LPAR3: variants seen among roughly 807,000 people sequenced by gnomAD.
The protein encoded by LPAR3 is lysophosphatidic acid receptor 3, also known as LPA receptor 3.
In LPAR3, 7 loss-of-function variants were observed where a neutral mutation model predicts 17.8. The observed-to-expected ratio is 0.39, with a 90% CI of 0.22 to 0.74. The LOEUF is 0.74. Ranked by LOEUF, LPAR3 falls within the 30% of genes least tolerant of loss-of-function variation. The pLI, the probability that LPAR3 is intolerant of heterozygous loss-of-function variation, is 0.40. For synonymous variants in LPAR3, 179 were observed against 179.9 expected, an observed-to-expected ratio of 0.99 and a Z score of 0.04; for missense variants, 391 against 453.4, an observed-to-expected ratio of 0.86 and a Z score of 1.25.
chr1:84,884,773 C>T (rs1660427902), intron 1 of LPAR3, among the ~76,000 whole-genome samples: 1 of 152,194 alleles, frequency 6.6e-6, no homozygotes, highest in South Asian at 2.1e-4. Flanking sequence ...AAGTAATAAC[C>T]TGGTAGCAAT....
At chr1:84,855,393 C>T (rs1659797544) in intron 2 of LPAR3, among the ~76,000 whole-genome samples, 1 of 152,150 alleles carries the variant, frequency 6.6e-6, no homozygotes, top group African/African-American at 2.4e-5. Context: ...GAGGGTGTTC[C>T]TGAGTTCTGG....
At chr1:84,852,636 G>A (rs560640462) in intron 2 of LPAR3, among the ~76,000 whole-genome samples, 17 of 152,252 alleles carry the variant, frequency 1.1e-4, no homozygotes, top group African/African-American at 3.6e-4. Flanking sequence ...TTTGAGAGAC[G>A]TTCACATGGA....
chr1:84,822,688 G>A (rs1004068691), intron 2 of LPAR3, among the ~76,000 whole-genome samples: 2 of 152,182 alleles, frequency 1.3e-5, no homozygotes, highest in East Asian at 1.9e-4. Flanking sequence ...TCACTGGAAC[G>A]TATTTAAGAT....
chr1:84,867,981 G>A (rs995812403), intron 1 of LPAR3, among the ~76,000 whole-genome samples: 1 of 152,092 alleles, frequency 6.6e-6, no homozygotes, highest in African/African-American at 2.4e-5. Context: ...CTGCATTCTT[G>A]TTCATTAATC....
Position 84,815,882 on chromosome 1 carries a change from C to A in LPAR3, c.737-1711G>T, listed in dbSNP as rs370576067. On this transcript the variant is annotated intron_variant, in intron 2 of 2. Transcript: ENST00000370611. ...TCCTTATTTCATAATTACGGTTCAG[C>A]AGTGGTTCCCTTTTTTCTCCACCTT... Among the ~76,000 whole-genome samples the A allele has an allele frequency of 2.4e-4, 37 of 152,266 alleles. 1 individual carries two copies. Among genetic ancestry groups the A allele is most frequent in the African/African-American group, 8.7e-4 (36 of 41,546 alleles).
At chr1:84,882,820 T>TA (rs960384611) in intron 1 of LPAR3, among the ~76,000 whole-genome samples, 60 of 151,136 alleles carry the variant, frequency 4.0e-4, no homozygotes, top group African/African-American at 1.3e-3. Context: ...AGTATAATAA[T>TA]AAAAAAAAAT....
chr1:84,863,748 C>T (rs1449419941), intron 2 of LPAR3, among the ~76,000 whole-genome samples: 1 of 152,202 alleles, frequency 6.6e-6, no homozygotes, highest in African/African-American at 2.4e-5. Context: ...AAAATTGCCA[C>T]ACCCCTTGGA....
intron 2 of LPAR3, among the ~76,000 whole-genome samples, chr1:84,821,881 G>C (rs919638835): frequency 6.6e-6 from 1 of 152,158 alleles, no homozygotes; most frequent in African/African-American, 2.4e-5. Context: ...CAGGGAGACA[G>C]GAGGGACAGG....
Position 84,811,884 on chromosome 1 carries a change from C to G in LPAR3, c.*1962G>C, listed in dbSNP as rs534685869. 6.6e-6 allele frequency: 1 copy of G among 152,194 alleles called. No individual in the cohort carries two copies. Among genetic ancestry groups the G allele is most frequent in the East Asian group, 1.9e-4 (1 of 5,178 alleles). 9.4% of individuals were successfully genotyped at this position (152,194 alleles called of 1,614,324 possible). A position where few individuals can be genotyped will look rare whatever the true frequency, so the allele number is the denominator to read the frequency against. On this transcript the variant is annotated 3_prime_UTR_variant, in exon 3 of 3. Coordinates refer to ENST00000370611, the MANE Select transcript of LPAR3 (RefSeq NM_012152.3). ...TTCTCATTTTAAATCAGAATACACT[C>G]TAAATGTTTTACATAGAAAACTCTC... is the stretch of plus-strand genomic sequence containing the variant.
intron 2 of LPAR3, among the ~76,000 whole-genome samples, chr1:84,851,291 C>T (rs1402342664): frequency 1.3e-5 from 2 of 152,222 alleles, no homozygotes; most frequent in Non-Finnish European, 2.9e-5. Flanking sequence ...TTCTCTTCCA[C>T]GTTCTCCTTC....
intron 2 of LPAR3, among the ~76,000 whole-genome samples, chr1:84,833,256 G>C (rs1230856495): frequency 6.6e-6 from 1 of 152,080 alleles, no homozygotes; most frequent in African/African-American, 2.4e-5. Flanking sequence ...AAAACTTCCT[G>C]TTTCAAAATA....
rs1246543242 is a variant in LPAR3 at position 84,866,039 on chromosome 1, T to C, written c.82A>G (p.Thr28Ala). ...ACACACAAAACAATCACAAGCTTTG[T>C]TCCTGTCCAGTCATCGACAGTATCA... ...NTDTVDDWTG[T>A]KLVIVLCVGT... Residue 28 changes from threonine (T) to alanine (A), a missense_variant, in exon 2 of 3, where the codon ACA becomes GCA. Thr to Ala is a moderately conservative substitution (Grantham distance 58, BLOSUM62 0). Coordinates refer to ENST00000370611, the MANE Select transcript of LPAR3 (RefSeq NM_012152.3). 1.4e-5 allele frequency: 22 copies of C among 1,614,066 alleles called. No homozygotes were observed. The highest frequency in any genetic ancestry group is 1.9e-5 in the Non-Finnish European group (22 of 1,180,026).
rs1336085339 is a variant in LPAR3 at position 84,881,383 on chromosome 1, T to C, written c.-19+11633A>G. Among the ~76,000 whole-genome samples, 11 of 152,296 alleles carry C rather than the reference T, an allele frequency of 7.2e-5. No homozygotes were observed. The East Asian group carries it at 2.1e-3, about 29-fold the overall frequency. ...GCATAATCATGACAACTGTGTAGGA[T>C]TGTTGGATGGACTAAATTAAAGCAA... On this transcript the variant is annotated intron_variant, in intron 1 of 2. Coordinates refer to ENST00000370611, the MANE Select transcript of LPAR3 (RefSeq NM_012152.3).
chr1:84,871,700 G>T (rs186538536), intron 1 of LPAR3, among the ~76,000 whole-genome samples: 8 of 152,224 alleles, frequency 5.3e-5, no homozygotes, highest in Non-Finnish European at 1.2e-4. Context: ...TCATGTTAAT[G>T]GCAAAATCAG....
Position 84,812,206 on chromosome 1 carries a change from A to G in LPAR3, c.*1640T>C, listed in dbSNP as rs1658826732. 1 of 152,188 alleles carries G rather than the reference A, an allele frequency of 6.6e-6. No homozygotes were observed. Among genetic ancestry groups the G allele is most frequent in the Admixed American group, 6.5e-5 (1 of 15,272 alleles). 9.4% of individuals were successfully genotyped at this position (152,188 alleles called of 1,614,324 possible). A position where few individuals can be genotyped will look rare whatever the true frequency, so the allele number is the denominator to read the frequency against. Reference sequence around the variant, plus strand: ...TGGAAGGGATTCAGCCTGCTCTTCAATACAGCTTTTACTCTGATGTATAAA... The same window carrying G: ...TGGAAGGGATTCAGCCTGCTCTTCAGTACAGCTTTTACTCTGATGTATAAA... On this transcript the variant is annotated 3_prime_UTR_variant, in exon 3 of 3. Transcript: ENST00000370611.
intron 1 of LPAR3, among the ~76,000 whole-genome samples, 151 bp downstream of exon 1, chr1:84,892,865 G>A (rs1196618077): frequency 6.6e-6 from 1 of 152,194 alleles, no homozygotes; most frequent in Non-Finnish European, 1.5e-5. Flanking sequence ...GGGGTTTGGA[G>A]TGGGTCTGGA....
At chr1:84,841,316 A>C (rs1659499687) in intron 2 of LPAR3, among the ~76,000 whole-genome samples, 2 of 152,220 alleles carry the variant, frequency 1.3e-5, no homozygotes. Flanking sequence ...ATGACAATTA[A>C]GGTTTGCTTT....
intron 1 of LPAR3, among the ~76,000 whole-genome samples, chr1:84,867,759 C>T (rs920224824): frequency 2.0e-5 from 3 of 152,082 alleles, no homozygotes; most frequent in Admixed American, 2.0e-4. Flanking sequence ...CTTTGGCAGA[C>T]AGTCACCAAT....
intron 1 of LPAR3, 97 bp downstream of exon 1, chr1:84,892,919 G>A (rs1557613405): frequency 6.6e-6 from 1 of 152,376 alleles, no homozygotes; most frequent in Non-Finnish European, 1.5e-5. Context: ...CCGCAGGCTA[G>A]AGCCCTGCAG....
Sources: gnomAD v4.1 joint callset for allele counts (sites outside exome capture counted in the v4.1 genomes callset) on GRCh38, gnomAD v4.1.1 for gene constraint, MANE v1.5 for transcripts, NCBI Gene and HGNC (gene_info 2026-07-23, HGNC 2026-07-21) for gene names.